The following KIF27 variants were observed in gnomAD, a reference collection of about 807,000 sequenced individuals.
KIF27 encodes kinesin-like protein KIF27.
A neutral mutation model predicts 141.8 loss-of-function variants in KIF27; 84 were observed. The ratio of observed to expected loss-of-function variants is 0.59; its 90% CI spans 0.50 to 0.71. The LOEUF (loss-of-function observed/expected upper bound fraction) is 0.71, where lower values mean the gene tolerates loss of function less well. Among genes scored for constraint, KIF27 ranks in the 30% least tolerant of loss-of-function variants. KIF27 has a pLI of 0.00. For missense variants in KIF27, 1,306 were observed against 1,628.4 expected, an observed-to-expected ratio of 0.80 and a Z score of 3.41; for synonymous variants, 471 against 569.5, an observed-to-expected ratio of 0.83 and a Z score of 2.46.
chr9:83,870,783 C>T (rs1950721294), intron 11 of KIF27, 151 bp from the exon 12 acceptor site: 1 of 1,315,056 alleles, frequency 7.6e-7, no homozygotes, highest in African/African-American at 1.5e-5. Flanking sequence ...CAATCACAGC[C>T]TCAAACTCCT....
intron 3 of KIF27, among the ~76,000 whole-genome samples, chr9:83,905,375 C>T (rs931816107): frequency 2.6e-5 from 4 of 152,146 alleles, no homozygotes; most frequent in Non-Finnish European, 5.9e-5. Context: ...GCCTCGGCCT[C>T]CCAAAGTGCT....
intron 2 of KIF27, among the ~76,000 whole-genome samples, chr9:83,910,955 A>G (rs893870673): frequency 6.1e-5 from 9 of 147,194 alleles, no homozygotes; most frequent in Admixed American, 4.0e-4. Flanking sequence ...CAGTATATAC[A>G]TACAATGGAA....
intron 17 of KIF27, among the ~76,000 whole-genome samples, chr9:83,840,351 C>A (rs1206662250): frequency 6.6e-6 from 1 of 151,916 alleles, no homozygotes; most frequent in East Asian, 1.9e-4. Context: ...ATAGTATCTC[C>A]AACGTTATTA....
At chr9:83,878,033 G>C (rs1272427839) in intron 11 of KIF27, among the ~76,000 whole-genome samples, 1 of 151,454 alleles carries the variant, frequency 6.6e-6, no homozygotes, top group African/African-American at 2.4e-5. Flanking sequence ...GCGTGGTGGC[G>C]GGTGCCTGTA....
At chr9:83,843,841 G>C (rs1007546916) in intron 16 of KIF27, among the ~76,000 whole-genome samples, 8 of 152,084 alleles carry the variant, frequency 5.3e-5, no homozygotes, top group African/African-American at 1.9e-4. Context: ...TCCCACCTTA[G>C]CCTCCGGGGT....
At chr9:83,868,442 A>G (rs1421792232) in intron 12 of KIF27, 10 of 152,218 alleles carry the variant, frequency 6.6e-5, no homozygotes, top group Admixed American at 1.3e-4. Context: ...AGGAAAGCCA[A>G]TTTGCATTGT....
Position 83,915,522 on chromosome 9 carries a change from G to C in KIF27, c.70C>G (p.His24Asp). ...GGAATAACTCTCACACAAACTTGAT[G>C]ATTATGAAGAGCTTCTTTGCAAAGC... is the stretch of plus-strand genomic sequence containing the variant. ...PLLCKEALHNHQVCVRVIPNS... is the reference protein window; with the variant it reads ...PLLCKEALHNDQVCVRVIPNS... The change falls in exon 2 of 18, where the codon CAT becomes GAT. Residue 24 changes from histidine to aspartate, a missense_variant. Around this residue, in one of 4 missense-constraint regions of KIF27, gnomAD observed 533 missense variants for 565.6 expected, o/e 0.94. Coordinates refer to ENST00000297814, the MANE Select transcript of KIF27 (RefSeq NM_017576.4). 1 of 1,613,802 alleles carries C rather than the reference G, an allele frequency of 6.2e-7. No homozygotes were observed. Among genetic ancestry groups the C allele is most frequent in the South Asian group, 1.1e-5 (1 of 91,054 alleles).
At chr9:83,885,726 G>A (rs1952043748) in intron 9 of KIF27, among the ~76,000 whole-genome samples, 2 of 151,940 alleles carry the variant, frequency 1.3e-5, no homozygotes, top group Non-Finnish European at 2.9e-5. Flanking sequence ...TGACCTCTGG[G>A]GCTGAATCAG....
intron 1 of KIF27, among the ~76,000 whole-genome samples, chr9:83,921,113 C>T (rs1956229646): frequency 6.6e-6 from 1 of 151,776 alleles, no homozygotes. Flanking sequence ...CCGGAAGGGG[C>T]GCTCTGCCTC....
chr9:83,906,522 C>T (rs1954553945), intron 3 of KIF27, among the ~76,000 whole-genome samples: 1 of 152,076 alleles, frequency 6.6e-6, no homozygotes, highest in Non-Finnish European at 1.5e-5. Context: ...AGGCAGATCT[C>T]TTGAGCCCAA....
intron 12 of KIF27, among the ~76,000 whole-genome samples, chr9:83,870,247 G>GCCTCCA (rs1402289041): frequency 6.6e-6 from 1 of 151,804 alleles, no homozygotes; most frequent in Non-Finnish European, 1.5e-5. Context: ...GCTCACTGCA[G>GCCTCCA]CCTCCACCTC....
intron 5 of KIF27, 45 bp downstream of exon 5, chr9:83,899,616 A>G (rs1407891393): frequency 2.0e-6 from 3 of 1,480,232 alleles, no homozygotes; most frequent in South Asian, 2.4e-5. Context: ...TTAGTTAGGT[A>G]CTATTTCAAG....
At chr9:83,862,381 G>A (rs2131917359) in intron 13 of KIF27, among the ~76,000 whole-genome samples, 1 of 152,292 alleles carries the variant, frequency 6.6e-6, no homozygotes, top group Non-Finnish European at 1.5e-5. Flanking sequence ...TCCAGTTTCA[G>A]CTTTCTACAT....
Position 83,901,948 on chromosome 9 carries a change from T to A in KIF27, c.1458+1112A>T, listed in dbSNP as rs556906733. On this transcript the variant is annotated intron_variant, in intron 4 of 17. Coordinates refer to ENST00000297814, the MANE Select transcript of KIF27 (RefSeq NM_017576.4). ...TAACATGGAATTGGGTTACTGTTAG[T>A]TTTGAATGAATAAATAGCTTAGATT... Among the ~76,000 whole-genome samples the A allele has an allele frequency of 7.2e-5, 11 of 152,324 alleles. No individual in the cohort carries two copies. In the East Asian group the frequency reaches 2.1e-3, roughly 29 times the overall value.
intron 2 of KIF27, among the ~76,000 whole-genome samples, chr9:83,912,462 T>A (rs1016064657): frequency 3.9e-5 from 6 of 152,208 alleles, no homozygotes; most frequent in Non-Finnish European, 8.8e-5. Flanking sequence ...AACTAGCCTG[T>A]AGGAAATATC....
At position 83,837,183 on chromosome 9, in the gene KIF27, G is replaced by A. The variant is rs1356773992; in HGVS notation, c.4024C>T (p.Gln1342Ter). The change falls in exon 18 of 18, where the codon CAG becomes TAG. Residue 1342 changes from glutamine to a stop codon, truncating the protein, a stop_gained. Coordinates refer to ENST00000297814, the MANE Select transcript of KIF27 (RefSeq NM_017576.4). LOFTEE classifies it high-confidence loss of function. ...KSHSRLSSQI[Q>*]VVGNVGRLHG... ...AGTCGTCCCACATTTCCCACAACCT[G>A]AATTTGGGATGACAGTCGACTGTGA... 6.2e-7 allele frequency: 1 copy of A among 1,614,032 alleles called. No individual in the cohort carries two copies. Among genetic ancestry groups the A allele is most frequent in the Non-Finnish European group, 8.5e-7 (1 of 1,180,022 alleles).
At chr9:83,877,914 A>G (rs1425892260) in intron 11 of KIF27, among the ~76,000 whole-genome samples, 5 of 152,100 alleles carry the variant, frequency 3.3e-5, no homozygotes, top group African/African-American at 1.2e-4. Context: ...GCTCAACATC[A>G]TTAGTCATTA....
intron 2 of KIF27, among the ~76,000 whole-genome samples, chr9:83,912,422 A>G (rs1030691522): frequency 6.6e-6 from 1 of 152,210 alleles, no homozygotes; most frequent in African/African-American, 2.4e-5. Flanking sequence ...ATACAGTACA[A>G]AGGAAGATTC....
At chr9:83,846,890 A>C (rs555673666) in intron 16 of KIF27, among the ~76,000 whole-genome samples, 1 of 152,304 alleles carries the variant, frequency 6.6e-6, no homozygotes, top group South Asian at 2.1e-4. Context: ...CAGGCTACGA[A>C]GGGAGTTACA....
Sources: allele counts gnomAD v4.1 joint callset (sites outside exome capture counted in the v4.1 genomes callset), GRCh38; gene constraint gnomAD v4.1.1; regional missense constraint gnomAD v4.1.1; transcripts MANE v1.5; gene names NCBI Gene and HGNC (gene_info 2026-07-23, HGNC 2026-07-21).